Variants in EPS8 observed in about 807,000 individuals in gnomAD.
The protein encoded by EPS8 is epidermal growth factor receptor kinase substrate 8.
A neutral mutation model predicts 103.8 loss-of-function variants in EPS8; 42 were observed. That is an observed-to-expected ratio of 0.40 (90% CI 0.32 to 0.52). The LOEUF (loss-of-function observed/expected upper bound fraction) is 0.52, where lower values mean the gene tolerates loss of function less well. EPS8 is among the 20% of genes least tolerant of loss of function. The pLI is 0.40. For missense variants in EPS8, 969 were observed against 1,005.1 expected (o/e 0.96, Z 0.49); for synonymous variants, 344 against 344.6 (o/e 1.00, Z 0.02).
At chr12:15,667,781 T>C (rs1039897569) in intron 6 of EPS8, among the ~76,000 whole-genome samples, 4 of 152,206 alleles carry the variant, frequency 2.6e-5, no homozygotes, top group African/African-American at 4.8e-5. Context: ...ATGTCTCATA[T>C]GCAGAGTATG....
intron 18 of EPS8, among the ~76,000 whole-genome samples, chr12:15,629,722 C>A (rs886358306): frequency 1.3e-5 from 2 of 152,042 alleles, no homozygotes; most frequent in Admixed American, 6.6e-5. Context: ...ATTGGACATA[C>A]CGTGGGAGAA....
chr12:15,626,547 T>A (rs1440923638), intron 18 of EPS8, among the ~76,000 whole-genome samples: 1 of 149,292 alleles, frequency 6.7e-6, no homozygotes, highest in African/African-American at 2.5e-5. Flanking sequence ...GAGAATCTCT[T>A]GAACCCAGGA....
At chr12:15,648,795 G>A (rs1310937493) in intron 14 of EPS8, among the ~76,000 whole-genome samples, 2 of 152,158 alleles carry the variant, frequency 1.3e-5, no homozygotes, top group African/African-American at 4.8e-5. Context: ...TAACTGTGAT[G>A]ACTACCAAAG....
intron 18 of EPS8, 105 bp downstream of exon 18, chr12:15,631,337 A>G: frequency 2.0e-6 from 3 of 1,485,762 alleles, no homozygotes; most frequent in Non-Finnish European, 2.7e-6. Context: ...AGTACCATGC[A>G]AGTATAAAGG....
rs181578188 is a variant in EPS8 at position 15,745,624 on chromosome 12, A to T, written c.-22+43537T>A. On this transcript the variant is annotated intron_variant, in intron 1 of 20. Transcript: ENST00000281172. The surrounding 1 kb of genome is among the most constrained non-coding windows in gnomAD (Gnocchi z 4.6). ...CACTTTTATTTTGTCAGGTGAGTGT[A>T]GCAATCATTGCTAGCAAAATATAGA... Among the ~76,000 whole-genome samples the T allele has an allele frequency of 3.9e-5, 6 of 152,260 alleles. No individual in the cohort carries two copies. The highest frequency in any genetic ancestry group is 1.4e-4 in the African/African-American group (6 of 41,568).
chr12:15,693,482 C>G lies in EPS8; in HGVS notation c.-21-10510G>C, dbSNP rs1294070942. Among the ~76,000 whole-genome samples, 1 of 152,192 alleles carries G rather than the reference C, an allele frequency of 6.6e-6. No individual in the cohort carries two copies. The highest frequency in any genetic ancestry group is 1.5e-5 in the Non-Finnish European group (1 of 68,036). ...CCTACTATTCTTAGCCTCACTCTCA[C>G]TGTTGAGTCAGTTGGAGGTTCTGAA... is the stretch of plus-strand genomic sequence containing the variant. On this transcript the variant is annotated intron_variant, in intron 1 of 20. Coordinates refer to ENST00000281172, the MANE Select transcript of EPS8 (RefSeq NM_004447.6). The surrounding 1 kb of genome is among the most constrained non-coding windows in gnomAD (Gnocchi z 5.6).
chr12:15,643,248 A>G (rs1230745716), intron 15 of EPS8, among the ~76,000 whole-genome samples: 1 of 152,080 alleles, frequency 6.6e-6, no homozygotes, highest in East Asian at 1.9e-4. Context: ...CAAGATAATC[A>G]CTATTAATAA....
intron 3 of EPS8, among the ~76,000 whole-genome samples, chr12:15,677,396 C>A (rs1044020920): frequency 6.6e-6 from 1 of 152,096 alleles, no homozygotes; most frequent in South Asian, 2.1e-4. Context: ...CCCAGGAGGC[C>A]CACTATAGTG....
Position 15,665,730 on chromosome 12 carries a change from T to C in EPS8, c.736+26A>G, listed in dbSNP as rs374890053. ...GTCCCAACCCAAAGTAAGTGTTCAA[T>C]AAGTATTAATTCTAGGAAGACTCAC... On this transcript the variant is annotated intron_variant, in intron 8 of 20. Transcript: ENST00000281172. 3.4e-5 allele frequency: 55 copies of C among 1,612,108 alleles called. No homozygotes were observed. The African/African-American group carries it at 6.1e-4, about 18-fold the overall frequency.
In EPS8 at chr12:15,784,872, G is replaced by A. The variant is rs996837620; in HGVS notation, c.-22+4289C>T. 6.6e-6 allele frequency among the ~76,000 whole-genome samples: 1 copy of A among 152,118 alleles called. No individual in the cohort carries two copies. Among genetic ancestry groups the A allele is most frequent in the Non-Finnish European group, 1.5e-5 (1 of 67,960 alleles). On this transcript the variant is annotated intron_variant, in intron 1 of 20. Transcript: ENST00000281172. The surrounding 1 kb of genome is among the most constrained non-coding windows in gnomAD (Gnocchi z 4.0). ...TAAATGAAAGAAGCCAGTCTGGCAAGGCTGTATGATTCCAATTATACAACA... is the reference window on the plus strand; with the variant it reads ...TAAATGAAAGAAGCCAGTCTGGCAAAGCTGTATGATTCCAATTATACAACA...
Position 15,684,707 on chromosome 12 carries a change from G to C in EPS8, c.-21-1735C>G, listed in dbSNP as rs1000030290. On this transcript the variant is annotated intron_variant, in intron 1 of 20. Transcript: ENST00000281172. This position sits in a 1 kb window ranked among gnomAD's most constrained non-coding sequence, Gnocchi z 4.9. ...TGAAGACTGTCATTACTTTCTGGAA[G>C]GGCTGGGACTTGACCTAGTTCTTAA... 6.6e-6 allele frequency among the ~76,000 whole-genome samples: 1 copy of C among 152,160 alleles called. No individual in the cohort carries two copies. The highest frequency in any genetic ancestry group is 1.5e-5 in the Non-Finnish European group (1 of 68,024).
chr12:15,645,028 A>G (rs978889760), intron 15 of EPS8, among the ~76,000 whole-genome samples: 11 of 152,152 alleles, frequency 7.2e-5, no homozygotes, highest in African/African-American at 2.7e-4. Context: ...AATTCTTTCT[A>G]TGGTGAAATT....
chr12:15,646,509 T>C (rs1945321872), intron 15 of EPS8, among the ~76,000 whole-genome samples: 1 of 151,898 alleles, frequency 6.6e-6, no homozygotes, highest in Non-Finnish European at 1.5e-5. Context: ...AGATTGGAAA[T>C]TAAAAAAAAA....
intron 1 of EPS8, among the ~76,000 whole-genome samples, chr12:15,744,309 A>G (rs930274259): frequency 4.6e-5 from 7 of 152,124 alleles, no homozygotes; most frequent in African/African-American, 1.2e-4. Flanking sequence ...CTTTCACCCT[A>G]TGAGATACCA....
At chr12:15,635,330 G>T (rs1945115823) in intron 17 of EPS8, among the ~76,000 whole-genome samples, 1 of 152,104 alleles carries the variant, frequency 6.6e-6, no homozygotes, top group African/African-American at 2.4e-5. Flanking sequence ...TCATTAAGAA[G>T]TCTCTGGGAA....
rs1947249427 is a variant in EPS8 at position 15,780,481 on chromosome 12, A to AACACACACCCACACAC, written c.-22+8679_-22+8680insGTGTGTGGGTGTGTGT. On this transcript the variant is annotated intron_variant, in intron 1 of 20. Transcript: ENST00000281172. The surrounding 1 kb of genome is among the most constrained non-coding windows in gnomAD (Gnocchi z 4.1). Reference sequence around the variant, plus strand: ...CTCCTTTCTGCTATGTGCTGGGATAAACACACACACACACACACACACACA... The same window carrying AACACACACCCACACAC: ...CTCCTTTCTGCTATGTGCTGGGATAAACACACACCCACACACACACACACACACACACACACACACA... 1 of 117,474 alleles carries AACACACACCCACACAC rather than the reference A, an allele frequency of 8.5e-6. No homozygotes were observed. The highest frequency in any genetic ancestry group is 3.1e-5 in the African/African-American group (1 of 32,260). 7.3% of individuals were successfully genotyped at this position (117,474 alleles called of 1,614,324 possible).
intron 4 of EPS8, among the ~76,000 whole-genome samples, chr12:15,670,525 A>G (rs549871301): frequency 1.3e-5 from 2 of 152,288 alleles, no homozygotes; most frequent in African/African-American, 4.8e-5. Flanking sequence ...AGTTAAACTA[A>G]AAACTAAATT....
At chr12:15,648,683 G>T (rs1945361826) in intron 14 of EPS8, among the ~76,000 whole-genome samples, 1 of 152,168 alleles carries the variant, frequency 6.6e-6, no homozygotes, top group African/African-American at 2.4e-5. Context: ...CACACCTTTT[G>T]CCCAGCTCTG....
intron 1 of EPS8, among the ~76,000 whole-genome samples, chr12:15,729,485 T>C (rs924727940): frequency 1.3e-5 from 2 of 152,212 alleles, no homozygotes; most frequent in African/African-American, 4.8e-5. Flanking sequence ...GAAGTTTCTA[T>C]TGCCCTACCT....
Sources: gnomAD v4.1 joint callset for allele counts (sites outside exome capture counted in the v4.1 genomes callset) on GRCh38, gnomAD v4.1.1 for gene constraint, Gnocchi (gnomAD v3.1) non-coding constraint, MANE v1.5 for transcripts, NCBI Gene and HGNC (gene_info 2026-07-23, HGNC 2026-07-21) for gene names.